CTNNA2: variants seen among roughly 807,000 people sequenced by gnomAD.
CTNNA2 encodes catenin alpha-2.
In CTNNA2, 42 loss-of-function variants were observed where a neutral mutation model predicts 101.0. That is an observed-to-expected ratio of 0.42 (90% CI 0.32 to 0.54). The LOEUF (loss-of-function observed/expected upper bound fraction) is 0.54. Ranked by LOEUF, CTNNA2 falls within the 20% of genes least tolerant of loss-of-function variation. The probability of loss-of-function intolerance (pLI) is 0.14; values close to 1 mark genes in which losing one functional copy is unlikely to be tolerated. For missense variants in CTNNA2, 871 were observed against 1,223.1 expected (o/e 0.71, Z 4.29); for synonymous variants, 450 against 456.4 (o/e 0.99, Z 0.18).
chr2:79,489,264 C>T (rs951535679), intron 4 of CTNNA2, among the ~76,000 whole-genome samples: 1 of 152,126 alleles, frequency 6.6e-6, no homozygotes, highest in Non-Finnish European at 1.5e-5. Flanking sequence ...TTTTCCTTTG[C>T]TAATTTTTAG....
chr2:79,479,755 T>G (rs913850691), intron 4 of CTNNA2, among the ~76,000 whole-genome samples: 1 of 151,978 alleles, frequency 6.6e-6, no homozygotes. Context: ...AAACTCCATC[T>G]CCACTAAAAA....
intron 3 of CTNNA2, among the ~76,000 whole-genome samples, chr2:79,828,089 A>C (rs532790115): frequency 2.0e-5 from 3 of 152,224 alleles, no homozygotes; most frequent in African/African-American, 7.2e-5. Context: ...TATAAGCAAT[A>C]ACTTACATAT....
At chr2:79,235,364 T>A (rs1480092287) in intron 2 of CTNNA2, among the ~76,000 whole-genome samples, 1 of 152,160 alleles carries the variant, frequency 6.6e-6, no homozygotes, top group Non-Finnish European at 1.5e-5. Context: ...GCAGATAGGC[T>A]CTTACTCTGC....
At chr2:80,017,822 G>T (rs761323942) in intron 7 of CTNNA2, among the ~76,000 whole-genome samples, 3 of 152,062 alleles carry the variant, frequency 2.0e-5, no homozygotes, top group South Asian at 2.1e-4. Context: ...AGTAAGCCAC[G>T]AAGTCATTTC....
intron 18 of CTNNA2, among the ~76,000 whole-genome samples, chr2:80,643,197 T>G (rs1396044434): frequency 6.6e-6 from 1 of 152,114 alleles, no homozygotes; most frequent in Non-Finnish European, 1.5e-5. Context: ...TCTTGGTAGA[T>G]TTTGAGGGCT....
chr2:80,328,064 A>G (rs2149257670), intron 7 of CTNNA2, among the ~76,000 whole-genome samples: 2 of 152,374 alleles, frequency 1.3e-5, no homozygotes, highest in Non-Finnish European at 2.9e-5. Flanking sequence ...TGAAATGAGA[A>G]GTGAACAGTT....
intron 7 of CTNNA2, among the ~76,000 whole-genome samples, chr2:79,971,960 A>G (rs1690514921): frequency 6.6e-6 from 1 of 152,138 alleles, no homozygotes; most frequent in Admixed American, 6.5e-5. Context: ...TCATTGCTCC[A>G]CCACCTAGTG....
chr2:79,512,684 C>T (rs1306953121), upstream of CTNNA2, among the ~76,000 whole-genome samples: 2 of 151,986 alleles, frequency 1.3e-5, no homozygotes, highest in East Asian at 3.9e-4. Context: ...GGACACGGCA[C>T]CTGCGCCCTA....
intron 2 of CTNNA2, among the ~76,000 whole-genome samples, chr2:79,216,418 G>A (rs571201910): frequency 2.0e-5 from 3 of 151,940 alleles, no homozygotes; most frequent in South Asian, 2.1e-4. Context: ...ATAAAGGGTT[G>A]GGGTGCAGAG....
intron 2 of CTNNA2, among the ~76,000 whole-genome samples, chr2:79,689,968 G>A (rs1020334727): frequency 6.6e-6 from 1 of 151,872 alleles, no homozygotes; most frequent in African/African-American, 2.4e-5. Flanking sequence ...ATAAAGCATA[G>A]TTAAAAATAT....
At chr2:80,629,316 G>A (rs1377179519) in intron 18 of CTNNA2, among the ~76,000 whole-genome samples, 1 of 152,112 alleles carries the variant, frequency 6.6e-6, no homozygotes, top group African/African-American at 2.4e-5. Context: ...CACCGACAGA[G>A]AGGGGATAGT....
chr2:79,590,181 G>A (rs1180593595), intron 1 of CTNNA2, among the ~76,000 whole-genome samples: 1 of 152,148 alleles, frequency 6.6e-6, no homozygotes, highest in Non-Finnish European at 1.5e-5. Context: ...CCTTTGAGGA[G>A]GCGGGTGAGC....
At chr2:79,291,399 A>G (rs1675808939) in intron 2 of CTNNA2, among the ~76,000 whole-genome samples, 1 of 152,190 alleles carries the variant, frequency 6.6e-6, no homozygotes, top group Non-Finnish European at 1.5e-5. Context: ...ATCTTCTGAC[A>G]TATAAAATTA....
intron 4 of CTNNA2, among the ~76,000 whole-genome samples, chr2:79,458,638 C>T (rs1462342859): frequency 3.9e-5 from 6 of 152,008 alleles, no homozygotes; most frequent in Admixed American, 6.6e-5. Context: ...GAGTTGGTGC[C>T]CTCTCAAGTT....
At chr2:80,262,651 C>A (rs73938258) in intron 7 of CTNNA2, among the ~76,000 whole-genome samples, 26 of 152,206 alleles carry the variant, frequency 1.7e-4, no homozygotes, top group African/African-American at 6.0e-4. Context: ...TTCCGGGGTC[C>A]TATGGCCTTG....
At chr2:79,875,731 G>A (rs571458256) in intron 6 of CTNNA2, among the ~76,000 whole-genome samples, 1 of 151,508 alleles carries the variant, frequency 6.6e-6, no homozygotes, top group South Asian at 2.1e-4. Flanking sequence ...ATTTCCTAAG[G>A]TTTTTTTTGT....
intron 1 of CTNNA2, among the ~76,000 whole-genome samples, chr2:79,613,686 A>G (rs1446554309): frequency 6.6e-6 from 1 of 152,130 alleles, no homozygotes; most frequent in East Asian, 1.9e-4. Context: ...ACAATTTGTA[A>G]TTTTTAAAAA....
intron 7 of CTNNA2, among the ~76,000 whole-genome samples, chr2:79,925,668 C>T (rs1050068051): frequency 1.2e-4 from 18 of 151,938 alleles, no homozygotes; most frequent in African/African-American, 2.4e-4. Context: ...TAGGTGCTTC[C>T]GGGTCCCCAT....
intron 7 of CTNNA2, among the ~76,000 whole-genome samples, chr2:79,989,930 G>A (rs1692048697): frequency 6.6e-6 from 1 of 152,080 alleles, no homozygotes; most frequent in South Asian, 2.1e-4. Context: ...ATAAATGAAG[G>A]CAAGGAAATT....
Sources: gnomAD v4.1 joint callset for allele counts (sites outside exome capture counted in the v4.1 genomes callset) on GRCh38, gnomAD v4.1.1 for gene constraint, MANE v1.5 for transcripts, NCBI Gene and HGNC (gene_info 2026-07-23, HGNC 2026-07-21) for gene names.